Variants in VGLL4 observed in about 807,000 individuals in gnomAD.
VGLL4 encodes vestigial like family member 4.
VGLL4 carries 7 observed loss-of-function variants against 21.0 expected under a neutral mutation model. The ratio of observed to expected loss-of-function variants is 0.33; its 90% CI spans 0.19 to 0.63. The LOEUF (loss-of-function observed/expected upper bound fraction) is 0.63. Ranked by LOEUF, VGLL4 falls within the 20% of genes least tolerant of loss-of-function variation. VGLL4 has a pLI of 0.78. For missense variants in VGLL4, 394 were observed against 425.7 expected (o/e 0.93, Z 0.66); for synonymous variants, 222 against 173.2 (o/e 1.28, Z -2.21).
intron 2 of VGLL4, among the ~76,000 whole-genome samples, chr3:11,693,756 C>T (rs1048392984): frequency 6.6e-6 from 1 of 152,182 alleles, no homozygotes. Context: ...CGAGCACACG[C>T]TACCACACGT....
intron 2 of VGLL4, among the ~76,000 whole-genome samples, chr3:11,695,787 G>A (rs1260020277): frequency 6.6e-6 from 1 of 152,104 alleles, no homozygotes; most frequent in African/African-American, 2.4e-5. Flanking sequence ...TCTTATGGAT[G>A]AAAATGCACG....
intron 1 of VGLL4, among the ~76,000 whole-genome samples, chr3:11,614,265 G>A (rs550555550): frequency 4.6e-5 from 7 of 152,348 alleles, no homozygotes; most frequent in African/African-American, 1.7e-4. Flanking sequence ...CCCTTTTGGT[G>A]CCATCTACCT....
chr3:11,660,884 T>C (rs910143209), intron 2 of VGLL4, among the ~76,000 whole-genome samples: 4 of 152,170 alleles, frequency 2.6e-5, no homozygotes, highest in Admixed American at 2.6e-4. Flanking sequence ...TCTTAAACTT[T>C]ATGTTAACTG....
upstream of VGLL4, chr3:11,721,318 A>C (rs968871085): frequency 6.6e-6 from 1 of 152,260 alleles, no homozygotes; most frequent in Non-Finnish European, 1.5e-5. Context: ...ATGCAAAGAC[A>C]GGTATGCGTA....
chr3:11,647,921 C>T (rs534407355), upstream of VGLL4, among the ~76,000 whole-genome samples: 1 of 151,728 alleles, frequency 6.6e-6, no homozygotes, highest in East Asian at 1.9e-4. Context: ...TTGGAGACCA[C>T]AGGTCCTTGC....
intron 2 of VGLL4, among the ~76,000 whole-genome samples, chr3:11,662,478 T>C (rs1045355091): frequency 1.3e-5 from 2 of 152,226 alleles, no homozygotes; most frequent in African/African-American, 4.8e-5. Flanking sequence ...TATTATAAAA[T>C]GGATTTATCA....
chr3:11,681,812 G>C (rs749132387), intron 2 of VGLL4, among the ~76,000 whole-genome samples: 1 of 152,210 alleles, frequency 6.6e-6, no homozygotes, highest in Non-Finnish European at 1.5e-5. Context: ...AGTAAGATTC[G>C]AGAAGGGCGT....
chr3:11,610,083 A>G (rs1055148256), intron 1 of VGLL4, among the ~76,000 whole-genome samples: 21 of 152,170 alleles, frequency 1.4e-4, no homozygotes, highest in African/African-American at 4.6e-4. Context: ...GCCGCGCTGC[A>G]CTGATGTGTC....
At chr3:11,702,749 A>C (rs542626136) in intron 2 of VGLL4, 56 of 290,420 alleles carry the variant, frequency 1.9e-4, no homozygotes, top group African/African-American at 5.3e-4. Flanking sequence ...AAAAAACAAA[A>C]AAAAAAACAA....
intron 2 of VGLL4, among the ~76,000 whole-genome samples, chr3:11,585,770 A>C (rs2074348221): frequency 6.6e-6 from 1 of 152,186 alleles, no homozygotes; most frequent in African/African-American, 2.4e-5. Context: ...TTGCATTCCA[A>C]ATCTTCTGCC....
chr3:11,632,845 C>T (rs2075510900), intron 1 of VGLL4, among the ~76,000 whole-genome samples: 1 of 152,162 alleles, frequency 6.6e-6, no homozygotes, highest in African/African-American at 2.4e-5. Flanking sequence ...ATATCCCCAG[C>T]ACATAAAACA....
intron 2 of VGLL4, among the ~76,000 whole-genome samples, chr3:11,669,689 C>A (rs1252874811): frequency 6.8e-6 from 1 of 147,002 alleles, no homozygotes; most frequent in South Asian, 2.1e-4. Context: ...TTTTTTTTTT[C>A]ATTTTATAGA....
At chr3:11,663,582 G>T (rs1325880974) in intron 2 of VGLL4, among the ~76,000 whole-genome samples, 1 of 152,200 alleles carries the variant, frequency 6.6e-6, no homozygotes, top group Non-Finnish European at 1.5e-5. Context: ...GCCAGGCGTG[G>T]TGGTGGGCAC....
chr3:11,607,955 A>C (rs2074981905), intron 1 of VGLL4, among the ~76,000 whole-genome samples: 5 of 152,196 alleles, frequency 3.3e-5, no homozygotes, highest in African/African-American at 1.2e-4. Flanking sequence ...AAGGCTGTGC[A>C]AAGTACTGTC....
At chr3:11,582,672 A>G (rs1020853478) in intron 2 of VGLL4, among the ~76,000 whole-genome samples, 3 of 152,206 alleles carry the variant, frequency 2.0e-5, no homozygotes, top group Non-Finnish European at 2.9e-5. Context: ...ATAAAACTTC[A>G]AAATAAGGCT....
chr3:11,634,275 G>A (rs1262834466), intron 1 of VGLL4, among the ~76,000 whole-genome samples: 1 of 152,094 alleles, frequency 6.6e-6, no homozygotes, highest in Non-Finnish European at 1.5e-5. Context: ...CCACCCATCC[G>A]CTTGTAGGAG....
intron 1 of VGLL4, among the ~76,000 whole-genome samples, chr3:11,709,122 T>A (rs931044041): frequency 6.6e-6 from 1 of 151,174 alleles, no homozygotes; most frequent in Non-Finnish European, 1.5e-5. Context: ...AACATTTAAG[T>A]GAGTGGAGTG....
intron 1 of VGLL4, among the ~76,000 whole-genome samples, chr3:11,704,383 CAAAAA>C (rs57593843): frequency 1.4e-5 from 1 of 69,166 alleles, no homozygotes; most frequent in Non-Finnish European, 2.9e-5. Flanking sequence ...AACTCCGTCT[CAAAAA>C]AAAAAAAAAA....
intron 2 of VGLL4, among the ~76,000 whole-genome samples, chr3:11,697,161 C>T (rs1031586675): frequency 9.9e-5 from 15 of 152,248 alleles, no homozygotes; most frequent in Middle Eastern, 3.4e-3. Context: ...AGGGCAGTGG[C>T]GCAATCACAG....
Sources: gnomAD v4.1 joint callset for allele counts (sites outside exome capture counted in the v4.1 genomes callset) on GRCh38, gnomAD v4.1.1 for gene constraint, MANE v1.5 for transcripts, NCBI Gene and HGNC (gene_info 2026-07-23, HGNC 2026-07-21) for gene names.